The following KCNT2 variants were observed in gnomAD, a reference collection of about 807,000 sequenced individuals.
KCNT2 encodes the protein potassium sodium-activated channel subfamily T member 2, also known as potassium channel subfamily T member 2.
KCNT2 carries 67 observed loss-of-function variants against 153.8 expected under a neutral mutation model. The observed-to-expected ratio is 0.44, with a 90% confidence interval of 0.36 to 0.53. The LOEUF (loss-of-function observed/expected upper bound fraction) is 0.53. Ranked by LOEUF, KCNT2 falls within the 20% of genes least tolerant of loss-of-function variation. The pLI is 0.00. For missense variants in KCNT2, 975 were observed against 1,354.8 expected (o/e 0.72, Z 4.40); for synonymous variants, 500 against 458.8 (o/e 1.09, Z -1.15).
intron 14 of KCNT2, among the ~76,000 whole-genome samples, chr1:196,367,862 C>T (rs1185131036): frequency 6.6e-6 from 1 of 152,126 alleles, no homozygotes; most frequent in African/African-American, 2.4e-5. Flanking sequence ...TCATGGAAAG[C>T]CTTAAATATA....
chr1:196,486,689 T>C (rs1460316495), intron 3 of KCNT2, among the ~76,000 whole-genome samples: 2 of 123,352 alleles, frequency 1.6e-5, no homozygotes, highest in Non-Finnish European at 3.4e-5. Context: ...AAACCCAAGA[T>C]GAACTCAAAG....
chr1:196,410,307 G>A (rs1672184136), intron 12 of KCNT2, among the ~76,000 whole-genome samples: 1 of 150,010 alleles, frequency 6.7e-6, no homozygotes, highest in African/African-American at 2.4e-5. Flanking sequence ...CCTTTGCTAT[G>A]CATAAGTTTA....
intron 8 of KCNT2, among the ~76,000 whole-genome samples, chr1:196,464,910 A>C (rs1677475590): frequency 6.6e-6 from 1 of 152,022 alleles, no homozygotes; most frequent in Admixed American, 6.6e-5. Context: ...GTGATTGGTA[A>C]GGACAGTTTT....
At chr1:196,569,138 T>C (rs1660471345) in intron 1 of KCNT2, among the ~76,000 whole-genome samples, 1 of 152,168 alleles carries the variant, frequency 6.6e-6, no homozygotes, top group African/African-American at 2.4e-5. Flanking sequence ...ATTTAGCCTC[T>C]TAATCTGTTG....
At chr1:196,277,418 A>G (rs933943991) in intron 25 of KCNT2, among the ~76,000 whole-genome samples, 1 of 152,152 alleles carries the variant, frequency 6.6e-6, no homozygotes, top group African/African-American at 2.4e-5. Flanking sequence ...TGAAGTGTAA[A>G]GCGTACAGAA....
intron 1 of KCNT2, among the ~76,000 whole-genome samples, chr1:196,555,557 T>C (rs1658528815): frequency 6.6e-6 from 1 of 151,456 alleles, no homozygotes. Flanking sequence ...GAATCAATAT[T>C]GTTAAAATGT....
Position 196,428,048 on chromosome 1 carries a change from T to C in KCNT2, c.984+57A>G. 2.2e-6 allele frequency: 3 copies of C among 1,360,982 alleles called. No homozygotes were observed. In the South Asian group the frequency reaches 3.8e-5, roughly 17 times the overall value. The allele number at this position is 1,360,982 out of a possible 1,614,324, so 84.3% of individuals were successfully genotyped here. On this transcript the variant is annotated intron_variant, in intron 10 of 27. Coordinates refer to ENST00000294725, the MANE Select transcript of KCNT2 (RefSeq NM_198503.5). ...AGGCTGCACCATCAGTTAATTGACTTTGACAATATGTTAGTAGGTATGATC... is the reference window on the plus strand; with the variant it reads ...AGGCTGCACCATCAGTTAATTGACTCTGACAATATGTTAGTAGGTATGATC...
intron 14 of KCNT2, among the ~76,000 whole-genome samples, chr1:196,356,959 T>C (rs1259470046): frequency 1.3e-5 from 2 of 151,904 alleles, no homozygotes; most frequent in African/African-American, 2.4e-5. Context: ...CAATCTCTGA[T>C]TTACTAGGTA....
chr1:196,483,479 T>C (rs1419815461), intron 3 of KCNT2, among the ~76,000 whole-genome samples: 8 of 152,190 alleles, frequency 5.3e-5, no homozygotes, highest in Admixed American at 2.0e-4. Flanking sequence ...CATTACCCTA[T>C]TCCCTATTGT....
rs1051121109 is a variant in KCNT2, at chr1:196,233,012, T to A, written c.3296+2974A>T. Among the ~76,000 whole-genome samples the A allele has an allele frequency of 2.0e-5, 3 of 151,398 alleles. No homozygotes were observed. The East Asian group carries it at 5.8e-4, about 29-fold the overall frequency. On this transcript the variant is annotated intron_variant, in intron 27 of 27. Transcript: ENST00000294725. ...TAGATTAGATATTTAATAAAAATTA[T>A]CTATACTTATGGACTTAAAAGAAAA...
chr1:196,304,889 T>C (rs1471709533), intron 22 of KCNT2, among the ~76,000 whole-genome samples: 2 of 152,182 alleles, frequency 1.3e-5, no homozygotes, highest in Non-Finnish European at 2.9e-5. Flanking sequence ...CTTAGCTTTA[T>C]GTCAGGTTGT....
rs184470871 is a variant in KCNT2 at position 196,298,886 on chromosome 1, C to A, written c.2595+6348G>T. On this transcript the variant is annotated intron_variant, in intron 22 of 27. Coordinates refer to ENST00000294725, the MANE Select transcript of KCNT2 (RefSeq NM_198503.5). ...GAGTATTGAAGTTCTGAGCCAGAAA[C>A]CAGGGACAAAGACCAAGTATTTATT... Among the ~76,000 whole-genome samples the A allele has an allele frequency of 1.7e-3, 259 of 150,448 alleles. 4 individuals are homozygous for A. The highest frequency in any genetic ancestry group is 0.016 in the Admixed American group (243 of 14,966).
chr1:196,432,988 G>A (rs1196537304), intron 8 of KCNT2, among the ~76,000 whole-genome samples: 3 of 152,026 alleles, frequency 2.0e-5, no homozygotes, highest in African/African-American at 7.2e-5. Flanking sequence ...TTAAGAAGTG[G>A]GACCTTTAGG....
chr1:196,512,639 C>T (rs1160641777), intron 1 of KCNT2, among the ~76,000 whole-genome samples: 1 of 152,042 alleles, frequency 6.6e-6, no homozygotes, highest in African/African-American at 2.4e-5. Flanking sequence ...GAAAAAAATG[C>T]TTGCAATGAA....
rs903039879 is a variant in KCNT2 at position 196,586,213 on chromosome 1, G to A, written c.95+22002C>T. Among the ~76,000 whole-genome samples the A allele has an allele frequency of 3.3e-5, 5 of 152,104 alleles. No homozygotes were observed. The South Asian group carries it at 6.2e-4, about 19-fold the overall frequency. On this transcript the variant is annotated intron_variant, in intron 1 of 27. Coordinates refer to ENST00000294725, the MANE Select transcript of KCNT2 (RefSeq NM_198503.5). ...CCAGTGGCACAGATTGCATTGAGCT[G>A]AGATTCTGCTGCTACACTCCAACCT...
At chr1:196,366,698 C>T (rs1208537868) in intron 14 of KCNT2, among the ~76,000 whole-genome samples, 1 of 152,098 alleles carries the variant, frequency 6.6e-6, no homozygotes, top group East Asian at 1.9e-4. Context: ...AATTTTTCTC[C>T]ATAGCACTAC....
chr1:196,229,101 T>A (rs1010916173), intron 27 of KCNT2, among the ~76,000 whole-genome samples: 7 of 152,092 alleles, frequency 4.6e-5, no homozygotes, highest in African/African-American at 1.4e-4. Flanking sequence ...TGTCAAATGA[T>A]GTACAGGCAT....
chr1:196,367,556 C>T (rs1668150324), intron 14 of KCNT2, among the ~76,000 whole-genome samples: 2 of 152,082 alleles, frequency 1.3e-5, no homozygotes, highest in South Asian at 4.1e-4. Flanking sequence ...ACATAACTAA[C>T]AGATACAACT....
At chr1:196,480,449 T>C (rs1051483909) in intron 4 of KCNT2, among the ~76,000 whole-genome samples, 1 of 152,204 alleles carries the variant, frequency 6.6e-6, no homozygotes, top group Non-Finnish European at 1.5e-5. Context: ...CAAATCTCTT[T>C]CATTTTCTCC....
Sources: gnomAD v4.1 joint callset for allele counts (sites outside exome capture counted in the v4.1 genomes callset) on GRCh38, gnomAD v4.1.1 for gene constraint, MANE v1.5 for transcripts, NCBI Gene and HGNC (gene_info 2026-07-23, HGNC 2026-07-21) for gene names.